The following PVT1 variants were observed in gnomAD, a reference collection of about 807,000 sequenced individuals.
The protein encoded by PVT1 is CXCR4/PVT1 fusion.
intron 2 of PVT1, among the ~76,000 whole-genome samples, chr8:127,835,485 T>TG (rs1814899484): frequency 6.6e-6 from 1 of 151,960 alleles, no homozygotes. Flanking sequence ...TTAGGAGAAA[T>TG]ACCCAGTGCA....
chr8:128,024,694 G>A (rs1050680300), intron 4 of PVT1, among the ~76,000 whole-genome samples: 1 of 152,036 alleles, frequency 6.6e-6, no homozygotes, highest in South Asian at 2.1e-4. Context: ...CTTAAAAGAA[G>A]CACTATGGTT....
At chr8:128,080,919 T>C (rs987350665) in intron 5 of PVT1, among the ~76,000 whole-genome samples, 4 of 152,234 alleles carry the variant, frequency 2.6e-5, no homozygotes, top group African/African-American at 9.6e-5. Flanking sequence ...GATTCTTTTT[T>C]TGCAAATGAA....
At chr8:128,083,459 A>G (rs1814216013) in intron 5 of PVT1, among the ~76,000 whole-genome samples, 1 of 152,178 alleles carries the variant, frequency 6.6e-6, no homozygotes, top group South Asian at 2.1e-4. Context: ...ATCTGTCTCA[A>G]AGCAGCCACA....
chr8:127,959,962 T>A (rs981146111), intron 3 of PVT1, among the ~76,000 whole-genome samples: 1 of 152,230 alleles, frequency 6.6e-6, no homozygotes, highest in African/African-American at 2.4e-5. Context: ...TTTTCATGTA[T>A]GTCTGCACTT....
chr8:127,871,663 T>A lies in PVT1; in HGVS notation n.373-18926T>A, dbSNP rs547365972. Among the ~76,000 whole-genome samples, 190 of 152,212 alleles carry A rather than the reference T, an allele frequency of 1.2e-3. 2 individuals are homozygous for A. Among genetic ancestry groups the A allele is most frequent in the Non-Finnish European group, 2.4e-3 (163 of 68,034 alleles). On this transcript the variant is annotated intron_variant and non_coding_transcript_variant, in intron 2 of 10. Coordinates refer to ENST00000651587, the Ensembl canonical transcript of PVT1. ...TTTTTTGACCCATATCCAGGAACTG[T>A]TCCCACACCCAGAGAGGAATATCTG...
intron 5 of PVT1, among the ~76,000 whole-genome samples, chr8:128,073,308 C>A (rs1447940910): frequency 6.6e-6 from 1 of 152,154 alleles, no homozygotes; most frequent in Admixed American, 6.5e-5. Context: ...ACTCGAAGAT[C>A]TTTTAATTTT....
intron 2 of PVT1, among the ~76,000 whole-genome samples, chr8:127,797,180 G>T (rs1307361760): frequency 2.6e-5 from 4 of 152,076 alleles, no homozygotes; most frequent in Non-Finnish European, 4.4e-5. Context: ...TTACAGGCAT[G>T]GACCACCATG....
chr8:127,959,958 T>C (rs1586456335), intron 3 of PVT1, among the ~76,000 whole-genome samples: 1 of 152,344 alleles, frequency 6.6e-6, no homozygotes, highest in African/African-American at 2.4e-5. Context: ...TGCCTTTTCA[T>C]GTATGTCTGC....
chr8:127,820,455 G>A (rs1311937719), intron 2 of PVT1, among the ~76,000 whole-genome samples: 2 of 152,206 alleles, frequency 1.3e-5, no homozygotes, highest in Admixed American at 1.3e-4. Flanking sequence ...GATGCATGAT[G>A]GGATCTCTTT....
intron 2 of PVT1, among the ~76,000 whole-genome samples, chr8:127,806,588 A>C (rs982690291): frequency 2.0e-5 from 3 of 152,176 alleles, no homozygotes; most frequent in African/African-American, 7.2e-5. Context: ...CAATGCTAAG[A>C]GTTTTGATAA....
chr8:127,870,164 G>T (rs1586415046), intron 2 of PVT1, among the ~76,000 whole-genome samples: 1 of 152,176 alleles, frequency 6.6e-6, no homozygotes. Flanking sequence ...TAGGGTGGGG[G>T]CTAAAGCCAA....
Position 127,984,948 on chromosome 8 carries a change from C to T in PVT1, n.783-4214C>T, listed in dbSNP as rs567868134. Reference sequence around the variant, plus strand: ...CTTTCTCTTTCTTTCTTTCTTTCCCCTTCCTTCCTTCCTTCCTCCCTCCTT... The same window carrying T: ...CTTTCTCTTTCTTTCTTTCTTTCCCTTTCCTTCCTTCCTTCCTCCCTCCTT... On this transcript the variant is annotated intron_variant and non_coding_transcript_variant, in intron 3 of 10. Coordinates refer to ENST00000651587, the Ensembl canonical transcript of PVT1. 1.4e-4 allele frequency among the ~76,000 whole-genome samples: 18 copies of T among 127,232 alleles called. 1 individual carries two copies. In the South Asian group the frequency reaches 3.4e-3, roughly 24 times the overall value. The allele number at this position is 127,232 out of a possible 152,430, so 83.5% of individuals were successfully genotyped here. A position where few individuals can be genotyped will look rare whatever the true frequency, so the allele number is the denominator to read the frequency against.
At chr8:128,008,823 T>G (rs1817278653) in intron 4 of PVT1, 1 of 449,176 alleles carries the variant, frequency 2.2e-6, no homozygotes, top group Non-Finnish European at 5.0e-6. Context: ...TCCCTGCAGG[T>G]TGGGGCCTGA....
At chr8:128,047,721 G>A (rs1282866031) in intron 4 of PVT1, among the ~76,000 whole-genome samples, 1 of 152,116 alleles carries the variant, frequency 6.6e-6, no homozygotes, top group Non-Finnish European at 1.5e-5. Flanking sequence ...GGTTGATTAA[G>A]TTGTGATAAA....
At chr8:127,824,974 G>T (rs957893244) in intron 2 of PVT1, among the ~76,000 whole-genome samples, 1 of 152,018 alleles carries the variant, frequency 6.6e-6, no homozygotes, top group African/African-American at 2.4e-5. Flanking sequence ...ACAAAAATTA[G>T]CTGGGTGTGG....
At chr8:128,056,886 T>G (rs573444563) in intron 4 of PVT1, among the ~76,000 whole-genome samples, 6 of 152,184 alleles carry the variant, frequency 3.9e-5, no homozygotes, top group African/African-American at 1.4e-4. Context: ...TACTCTCTGG[T>G]TAATTCATTT....
chr8:127,940,011 T>C (rs534425158), intron 3 of PVT1: 25 of 152,236 alleles, frequency 1.6e-4, no homozygotes, highest in African/African-American at 6.0e-4. Context: ...AATGTTCCCC[T>C]GGGGAACATG....
At chr8:127,987,003 G>T (rs1242710252) in intron 3 of PVT1, among the ~76,000 whole-genome samples, 1 of 152,136 alleles carries the variant, frequency 6.6e-6, no homozygotes, top group African/African-American at 2.4e-5. Context: ...TGTATTTGTG[G>T]ATTTGTCTCT....
chr8:127,964,550 A>G (rs962091016), intron 3 of PVT1, among the ~76,000 whole-genome samples: 2 of 152,202 alleles, frequency 1.3e-5, no homozygotes, highest in Non-Finnish European at 2.9e-5. Flanking sequence ...GCTTAAAACA[A>G]CAGAAATTTA....
Sources: gnomAD v4.1 joint callset for allele counts (sites outside exome capture counted in the v4.1 genomes callset) on GRCh38, gnomAD v4.1.1 for gene constraint, MANE v1.5 for transcripts, NCBI Gene and HGNC (gene_info 2026-07-23, HGNC 2026-07-21) for gene names.